The following ANKDD1A variants were observed in gnomAD, a reference collection of about 807,000 sequenced individuals.
The protein encoded by ANKDD1A is ankyrin repeat and death domain-containing protein 1A.
A neutral mutation model predicts 63.5 loss-of-function variants in ANKDD1A; 59 were observed. The ratio of observed to expected loss-of-function variants is 0.93; its 90% CI spans 0.75 to 1.15. ANKDD1A has a LOEUF of 1.15. Among genes scored for constraint, ANKDD1A ranks in the 50% most tolerant of loss-of-function variants. The probability of loss-of-function intolerance (pLI) is 0.00; values close to 1 mark genes in which losing one functional copy is unlikely to be tolerated. For synonymous variants in ANKDD1A, 266 were observed against 263.9 expected (o/e 1.01, Z -0.08); for missense variants, 632 against 656.4 (o/e 0.96, Z 0.41).
chr15:64,914,979 G>A (rs907829748), intron 1 of ANKDD1A, among the ~76,000 whole-genome samples: 2 of 152,162 alleles, frequency 1.3e-5, no homozygotes, highest in Admixed American at 6.5e-5. Context: ...CTCAGCGTGG[G>A]CAGGTGGAAG....
At chr15:64,926,656 A>T (rs1267009413) in intron 5 of ANKDD1A, among the ~76,000 whole-genome samples, 1 of 152,128 alleles carries the variant, frequency 6.6e-6, no homozygotes, top group African/African-American at 2.4e-5. Context: ...CTGTTTATTC[A>T]TTAGGCAGCA....
intron 13 of ANKDD1A, among the ~76,000 whole-genome samples, chr15:64,948,941 T>A (rs926821924): frequency 7.9e-5 from 12 of 152,206 alleles, no homozygotes; most frequent in African/African-American, 2.9e-4. Context: ...AACTTTCATA[T>A]ATGATAAAGA....
chr15:64,951,937 C>A (rs2085292596), intron 14 of ANKDD1A, among the ~76,000 whole-genome samples: 1 of 132,630 alleles, frequency 7.5e-6, no homozygotes, highest in Non-Finnish European at 1.6e-5. Context: ...TTCTTCCTTT[C>A]TTTTCTTCTT....
intron 13 of ANKDD1A, 133 bp downstream of exon 13, chr15:64,947,726 C>G (rs1368360508): frequency 9.2e-7 from 1 of 1,083,710 alleles, no homozygotes; most frequent in African/African-American, 1.6e-5. Context: ...CTGTCCAACA[C>G]ACCTGGTGCT....
intron 5 of ANKDD1A, 50 bp downstream of exon 5, chr15:64,926,220 T>C: frequency 5.8e-6 from 9 of 1,559,322 alleles, no homozygotes; most frequent in Non-Finnish European, 7.9e-6. Flanking sequence ...GGGGGGCTCC[T>C]GGGGCCACTC....
chr15:64,953,301 CTTTTACTTTTTTCTTTCTTCTTT>C (rs1158084379), intron 14 of ANKDD1A, among the ~76,000 whole-genome samples: 3 of 146,658 alleles, frequency 2.0e-5, no homozygotes, highest in African/African-American at 7.6e-5. Context: ...CTTTCTTCTT[CTTTTACTTTTTTCTTTCTTCTTT>C]CCTTCTTATT....
rs1230247597 is a variant in ANKDD1A at position 64,953,928 on chromosome 15, T to TTC, written c.1484-3174_1484-3173insCT. ...TCCCTCTTCTTTCTTCTCTTTTTCT[T>TTC]TTTTCTTTTCTTCCTCTTCTTCTAT... On this transcript the variant is annotated intron_variant, in intron 14 of 14. Coordinates refer to ENST00000319580, the MANE Select transcript of ANKDD1A (RefSeq NM_182703.6). Among the ~76,000 whole-genome samples, 236 of 7,912 alleles carry TTC rather than the reference T, an allele frequency of 0.03. 17 individuals are homozygous for TTC. In the South Asian group the frequency reaches 0.38, roughly 13 times the overall value. The allele number at this position is 7,912 out of a possible 152,430, so 5.2% of individuals were successfully genotyped here.
intron 12 of ANKDD1A, among the ~76,000 whole-genome samples, chr15:64,945,275 A>G (rs968511511): frequency 6.6e-6 from 1 of 151,960 alleles, no homozygotes; most frequent in Non-Finnish European, 1.5e-5. Flanking sequence ...TATACAGAAG[A>G]TAATTTTGCA....
intron 9 of ANKDD1A, among the ~76,000 whole-genome samples, chr15:64,937,225 T>G (rs999795869): frequency 1.3e-5 from 2 of 152,024 alleles, no homozygotes; most frequent in African/African-American, 2.4e-5. Context: ...CCAATATGTA[T>G]AAAACTTACA....
chr15:64,912,085 T>A, intron 1 of ANKDD1A, 121 bp downstream of exon 1: 1 of 1,026,806 alleles, frequency 9.7e-7, no homozygotes, highest in Non-Finnish European at 1.3e-6. Context: ...GTGGGGCGTC[T>A]GTGTGGCTCC....
Position 64,915,789 on chromosome 15 carries a change from C to T in ANKDD1A, c.35-8C>T. 2 of 1,613,424 alleles carry T rather than the reference C, an allele frequency of 1.2e-6. No homozygotes were observed. Among genetic ancestry groups the T allele is most frequent in the Non-Finnish European group, 1.7e-6 (2 of 1,179,592 alleles). On this transcript the variant is annotated splice_polypyrimidine_tract_variant and splice_region_variant and intron_variant, in intron 1 of 14. Coordinates refer to ENST00000319580, the MANE Select transcript of ANKDD1A (RefSeq NM_182703.6). ...CCCCTCATCCTGCACCCCATTTTCT[C>T]CCCACAGTGCTTCCTCTGGAGAGGC... is the stretch of plus-strand genomic sequence containing the variant.
chr15:64,911,961 G>A lies in ANKDD1A; in HGVS notation c.31G>A (p.Gly11Ser). 1 of 1,211,254 alleles carries A rather than the reference G, an allele frequency of 8.3e-7. No individual in the cohort carries two copies. Among genetic ancestry groups the A allele is most frequent in the Non-Finnish European group, 1.0e-6 (1 of 964,768 alleles). The allele number at this position is 1,211,254 out of a possible 1,614,324, so 75.0% of individuals were successfully genotyped here. The change falls in exon 1 of 15, where the codon GGC becomes AGC. Residue 11 changes from glycine (G) to serine (S), a missense_variant. Coordinates refer to ENST00000319580, the MANE Select transcript of ANKDD1A (RefSeq NM_182703.6). MQEELAWETD[G>S]LLPLERQLHE... ...GGAGGAGCTGGCGTGGGAGACCGAC[G>A]GCCGTGAGTCTGCCTGGAGGAGGGA...
intron 14 of ANKDD1A, among the ~76,000 whole-genome samples, chr15:64,951,625 TC>T (rs1240523140): frequency 4.1e-4 from 12 of 29,318 alleles, no homozygotes; most frequent in East Asian, 0.014. Context: ...ATTCTTCTTC[TC>T]TTCTTTTCTT....
At chr15:64,942,322 C>A in intron 9 of ANKDD1A, 145 bp from the exon 10 acceptor site, 6 of 538,012 alleles carry the variant, frequency 1.1e-5, no homozygotes, top group Non-Finnish European at 1.9e-5. Flanking sequence ...CCATAATTGC[C>A]TAAGGCCACC....
rs769640267 is a variant in ANKDD1A, at chr15:64,915,948, A to T, written c.138+48A>T. ...TCCAGGCACCTGGGATAGTGTCACG[A>T]TAATGCCAGTACACAGGGGGAATAG... On this transcript the variant is annotated intron_variant, in intron 2 of 14. Transcript: ENST00000319580. 6.4e-6 allele frequency: 10 copies of T among 1,561,084 alleles called. No individual in the cohort carries two copies. The South Asian group carries it at 9.1e-5, about 14-fold the overall frequency.
At chr15:64,933,983 G>T in intron 8 of ANKDD1A, 153 bp from the exon 9 acceptor site, 1 of 552,636 alleles carries the variant, frequency 1.8e-6, no homozygotes. Flanking sequence ...ATGAGACCTG[G>T]GAAAGTCATT....
chr15:64,918,775 G>A (rs535203583), intron 3 of ANKDD1A, among the ~76,000 whole-genome samples: 55 of 152,134 alleles, frequency 3.6e-4, no homozygotes, highest in African/African-American at 1.2e-3. Context: ...CCAACATTTC[G>A]AAACCCCGTC....
intron 13 of ANKDD1A, among the ~76,000 whole-genome samples, chr15:64,949,105 A>G (rs1331689506): frequency 6.6e-6 from 1 of 152,250 alleles, no homozygotes; most frequent in Non-Finnish European, 1.5e-5. Flanking sequence ...AGAGGGGCGA[A>G]TGGAGTGACC....
At chr15:64,953,173 C>T (rs1268562026) in intron 14 of ANKDD1A, among the ~76,000 whole-genome samples, 2,917 of 26,576 alleles carry the variant, frequency 0.11, 46 homozygotes, top group East Asian at 0.28. Context: ...TCCTTCTTTT[C>T]TTCTTTTTCT....
Sources: allele counts gnomAD v4.1 joint callset (sites outside exome capture counted in the v4.1 genomes callset), GRCh38; gene constraint gnomAD v4.1.1; transcripts MANE v1.5; gene names NCBI Gene and HGNC (gene_info 2026-07-23, HGNC 2026-07-21).